The following RALGDS variants were observed in gnomAD, a reference collection of about 807,000 sequenced individuals.
The protein encoded by RALGDS is ral guanine nucleotide exchange factor.
A neutral mutation model predicts 99.8 loss-of-function variants in RALGDS; 44 were observed. The observed-to-expected ratio is 0.44, with a 90% CI of 0.35 to 0.57. The LOEUF (loss-of-function observed/expected upper bound fraction) is 0.57, where lower values mean the gene tolerates loss of function less well. Among genes scored for constraint, RALGDS ranks in the 20% least tolerant of loss-of-function variants. RALGDS has a pLI of 0.01. For synonymous variants in RALGDS, 529 were observed against 505.0 expected (o/e 1.05, Z -0.64); for missense variants, 1,022 against 1,203.1 (o/e 0.85, Z 2.23).
At chr9:133,108,594 C>T in intron 5 of RALGDS, 79 bp downstream of exon 5, 1 of 1,558,906 alleles carries the variant, frequency 6.4e-7, no homozygotes. Context: ...CAGCACCAGA[C>T]CCTGGAGCCT....
At chr9:133,137,933 C>T (rs1832452759) in intron 1 of RALGDS, among the ~76,000 whole-genome samples, 1 of 152,248 alleles carries the variant, frequency 6.6e-6, no homozygotes, top group Non-Finnish European at 1.5e-5. Flanking sequence ...AGTCAGGCCC[C>T]TGTGTCCAGC....
At chr9:133,129,038 G>C (rs747252658) in intron 1 of RALGDS, 1 of 1,356,740 alleles carries the variant, frequency 7.4e-7, no homozygotes, top group Non-Finnish European at 9.8e-7. Flanking sequence ...TTCTGGCAGG[G>C]AAGAAAGGGA....
intron 16 of RALGDS, chr9:133,100,765 C>A (rs1830717744): frequency 4.3e-6 from 5 of 1,158,144 alleles, no homozygotes; most frequent in Non-Finnish European, 5.4e-6. Flanking sequence ...AAAGGAGGGG[C>A]CGGCCAGGAT....
intron 1 of RALGDS, among the ~76,000 whole-genome samples, chr9:133,140,591 T>G (rs965981297): frequency 2.6e-5 from 4 of 151,916 alleles, no homozygotes; most frequent in African/African-American, 9.7e-5. Context: ...CGGCCCCCCT[T>G]ATCCTTCCCA....
rs376111109 is a variant in RALGDS at position 133,104,244 on chromosome 9, C to A, written c.1671+19G>T. ...CCCAGGCCAGCCCCCTGCCCCTCCG[C>A]GGCCTTGGGCACTCTCACCGTCTCC... is the stretch of plus-strand genomic sequence containing the variant. On this transcript the variant is annotated intron_variant, in intron 10 of 17. Coordinates refer to ENST00000372050, the MANE Select transcript of RALGDS (RefSeq NM_006266.4). The A allele has an allele frequency of 1.1e-5, 18 of 1,606,824 alleles. No individual in the cohort carries two copies. The African/African-American group carries it at 2.4e-4, about 21-fold the overall frequency.
chr9:133,122,012 C>T (rs749512448), upstream of RALGDS, among the ~76,000 whole-genome samples: 9 of 152,162 alleles, frequency 5.9e-5, no homozygotes, highest in Non-Finnish European at 1.3e-4. Flanking sequence ...TGGGGGAGAG[C>T]GGAAGGCACC....
intron 1 of RALGDS, among the ~76,000 whole-genome samples, chr9:133,115,617 C>A (rs1268279955): frequency 1.3e-5 from 2 of 152,206 alleles, no homozygotes; most frequent in Non-Finnish European, 2.9e-5. Context: ...GGGAGGGCAG[C>A]ACTACCTGTC....
intron 1 of RALGDS, among the ~76,000 whole-genome samples, chr9:133,128,299 G>A (rs1230425592): frequency 1.3e-5 from 2 of 152,196 alleles, no homozygotes; most frequent in Non-Finnish European, 2.9e-5. Context: ...AGACGGAAGC[G>A]AGGAGACAGG....
chr9:133,131,035 GGGA>G, exon 1 of RALGDS: 1 of 1,533,510 alleles, frequency 6.5e-7, no homozygotes, highest in Non-Finnish European at 8.7e-7. Flanking sequence ...AGCAGAGGCG[GGGA>G]GGAGAGGGTG....
At position 133,110,333 on chromosome 9, in the gene RALGDS, TG is replaced by T; in HGVS notation, c.450del (p.Phe150LeufsTer118). 1.2e-6 allele frequency: 2 copies of T among 1,613,870 alleles called. No homozygotes were observed. Among genetic ancestry groups the T allele is most frequent in the Non-Finnish European group, 1.7e-6 (2 of 1,179,998 alleles). On this transcript the variant is annotated frameshift_variant, in exon 3 of 18. Coordinates refer to ENST00000372050, the MANE Select transcript of RALGDS (RefSeq NM_006266.4). LOFTEE classifies it high-confidence loss of function. ...VTIFLCTYRA[F>X]TTTQQVLDLL... ...AGGTCCAGGACCTGTTGGGTGGTGG[TG>T]AAGGCTCTATAGGTACACAGGAAGA...
At chr9:133,130,380 G>T (rs1435817277) in intron 1 of RALGDS, among the ~76,000 whole-genome samples, 2 of 152,156 alleles carry the variant, frequency 1.3e-5, no homozygotes, top group Non-Finnish European at 2.9e-5. Context: ...TCCCAAAGTG[G>T]TAAGATTACA....
chr9:133,112,697 G>A (rs907649171), intron 1 of RALGDS, among the ~76,000 whole-genome samples: 4 of 152,188 alleles, frequency 2.6e-5, no homozygotes, highest in African/African-American at 9.6e-5. Context: ...GGCCCTGGCT[G>A]ACCTAGCAGG....
At chr9:133,133,297 G>C (rs941409783), upstream of RALGDS, among the ~76,000 whole-genome samples, 3 of 152,196 alleles carry the variant, frequency 2.0e-5, no homozygotes, top group African/African-American at 7.2e-5. Context: ...AGGGACTGCT[G>C]ACACAGTCAG....
At chr9:133,140,809 C>T (rs748854453) in intron 1 of RALGDS, among the ~76,000 whole-genome samples, 11 of 152,180 alleles carry the variant, frequency 7.2e-5, no homozygotes, top group Non-Finnish European at 1.0e-4. Context: ...CTCATCCGCC[C>T]GCCTTCTTGG....
chr9:133,143,771 T>TAAAAC (rs1554745676), intron 1 of RALGDS, among the ~76,000 whole-genome samples: 1 of 111,624 alleles, frequency 9.0e-6, no homozygotes, highest in African/African-American at 3.5e-5. Flanking sequence ...ATAATAATAA[T>TAAAAC]AACAACAACA....
chr9:133,147,543 C>T (rs760588232), intron 1 of RALGDS, among the ~76,000 whole-genome samples: 5 of 152,170 alleles, frequency 3.3e-5, no homozygotes, highest in South Asian at 2.1e-4. Context: ...AGCCCCCTCC[C>T]GCCTCTGAGC....
chr9:133,129,227 G>A lies in RALGDS; in HGVS notation c.132+1725C>T, dbSNP rs375351703. On this transcript the variant is annotated intron_variant, in intron 1 of 17. Transcript: ENST00000372062. The stretch of plus-strand genomic sequence containing the variant: ...ACGGGCGACGGCCCTTCTCCTGGCG[G>A]TCACCACAGAGACACAGGCAAAGAA... 133 of 1,597,340 alleles carry A rather than the reference G, an allele frequency of 8.3e-5. No homozygotes were observed. The African/African-American group carries it at 1.6e-3, about 19-fold the overall frequency.
intron 7 of RALGDS, 70 bp downstream of exon 7, chr9:133,107,015 T>C (rs971335545): frequency 1.9e-6 from 3 of 1,552,580 alleles, no homozygotes; most frequent in South Asian, 1.1e-5. Context: ...GTACAGGGCC[T>C]TGGACTGCAG....
chr9:133,119,519 G>T (rs1408991245), intron 1 of RALGDS, among the ~76,000 whole-genome samples: 2 of 152,150 alleles, frequency 1.3e-5, no homozygotes, highest in African/African-American at 2.4e-5. Flanking sequence ...CAGGGGTGGG[G>T]CTCAGCTCTG....
Sources: allele counts gnomAD v4.1 joint callset (sites outside exome capture counted in the v4.1 genomes callset), GRCh38; gene constraint gnomAD v4.1.1; transcripts MANE v1.5; gene names NCBI Gene and HGNC (gene_info 2026-07-23, HGNC 2026-07-21).